Variants in EVL observed in about 807,000 individuals in gnomAD.
The protein encoded by EVL is Enah/Vasp-like, also known as ena/VASP-like protein.
EVL carries 21 observed loss-of-function variants against 59.6 expected under a neutral mutation model. The ratio of observed to expected loss-of-function variants is 0.35; its 90% confidence interval spans 0.25 to 0.51. The LOEUF (loss-of-function observed/expected upper bound fraction) is 0.51. Among genes scored for constraint, EVL ranks in the 20% least tolerant of loss-of-function variants. The probability of loss-of-function intolerance (pLI) is 0.97; values close to 1 mark genes in which losing one functional copy is unlikely to be tolerated. For synonymous variants in EVL, 198 were observed against 203.5 expected, an observed-to-expected ratio of 0.97 and a Z score of 0.23; for missense variants, 462 against 546.6, an observed-to-expected ratio of 0.85 and a Z score of 1.54.
At chr14:100,028,513 TA>T (rs1566974848) in intron 1 of EVL, among the ~76,000 whole-genome samples, 1 of 152,122 alleles carries the variant, frequency 6.6e-6, no homozygotes, top group Non-Finnish European at 1.5e-5. Context: ...CAGATATACT[TA>T]AAAATAACAA....
At chr14:100,129,814 A>G in intron 7 of EVL, 130 bp downstream of exon 7, 1 of 1,338,808 alleles carries the variant, frequency 7.5e-7, no homozygotes, top group South Asian at 1.6e-5. Flanking sequence ...AGCAGGGGAA[A>G]CTGTTACTTA....
intron 3 of EVL, among the ~76,000 whole-genome samples, chr14:100,098,074 G>C (rs1885942916): frequency 6.6e-6 from 1 of 152,212 alleles, no homozygotes; most frequent in East Asian, 1.9e-4. Context: ...AAACCGTGTA[G>C]GCAAAATAGA....
chr14:99,986,290 CAAAAAAA>C (rs3072366), intron 1 of EVL, among the ~76,000 whole-genome samples: 3 of 78,482 alleles, frequency 3.8e-5, no homozygotes, highest in South Asian at 4.6e-4. Context: ...GACTCTGTCT[CAAAAAAA>C]AAAAAAAAAA....
chr14:100,044,511 T>C (rs530256601), intron 1 of EVL, among the ~76,000 whole-genome samples: 85 of 152,328 alleles, frequency 5.6e-4, no homozygotes, highest in Non-Finnish European at 1.5e-4. Context: ...ACACTTTCAG[T>C]CTGCCGGGCA....
At chr14:100,004,228 C>G (rs943489412) in intron 1 of EVL, among the ~76,000 whole-genome samples, 2 of 152,114 alleles carry the variant, frequency 1.3e-5, no homozygotes, top group African/African-American at 4.8e-5. Flanking sequence ...AACCAACCAA[C>G]AAACAAATGT....
intron 2 of EVL, among the ~76,000 whole-genome samples, chr14:100,094,304 A>G (rs922929979): frequency 6.6e-6 from 1 of 152,026 alleles, no homozygotes; most frequent in African/African-American, 2.4e-5. Flanking sequence ...TGCTGGCCAT[A>G]TTGTCCATAT....
At chr14:100,061,978 A>G (rs2061842895), upstream of EVL, among the ~76,000 whole-genome samples, 1 of 151,894 alleles carries the variant, frequency 6.6e-6, no homozygotes, top group African/African-American at 2.4e-5. Flanking sequence ...TCCATGTGCA[A>G]GTGGACCTGG....
chr14:100,005,912 G>A (rs907428356), intron 1 of EVL, among the ~76,000 whole-genome samples: 11 of 151,740 alleles, frequency 7.2e-5, no homozygotes, highest in Admixed American at 6.6e-5. Context: ...CACTCTTTTG[G>A]TTTGGCATGG....
chr14:100,057,526 T>A (rs1188090346), intron 1 of EVL, among the ~76,000 whole-genome samples: 2 of 152,212 alleles, frequency 1.3e-5, no homozygotes, highest in African/African-American at 4.8e-5. Flanking sequence ...AGTTTGTTGT[T>A]CTTCATGTCT....
chr14:100,110,795 C>G (rs1886923391), intron 3 of EVL, among the ~76,000 whole-genome samples: 1 of 152,108 alleles, frequency 6.6e-6, no homozygotes, highest in South Asian at 2.1e-4. Flanking sequence ...CCTCCTTCCA[C>G]CAGTCCCAGG....
At chr14:100,006,671 T>G (rs2060984105) in intron 1 of EVL, among the ~76,000 whole-genome samples, 2 of 152,130 alleles carry the variant, frequency 1.3e-5, no homozygotes, top group Admixed American at 6.5e-5. Flanking sequence ...AAGACTGCTC[T>G]GTGCCATCCA....
chr14:100,058,061 G>C (rs1000173102), intron 1 of EVL, among the ~76,000 whole-genome samples: 1 of 152,176 alleles, frequency 6.6e-6, no homozygotes, highest in Non-Finnish European at 1.5e-5. Flanking sequence ...CAATGAGAAA[G>C]AAAGAGAAGT....
intron 2 of EVL, among the ~76,000 whole-genome samples, chr14:100,092,719 G>A (rs554346991): frequency 2.0e-5 from 3 of 152,176 alleles, no homozygotes; most frequent in Non-Finnish European, 2.9e-5. Flanking sequence ...TGGGTGACAG[G>A]AGCGAAACTC....
At chr14:100,100,301 T>C (rs1886126062) in intron 3 of EVL, among the ~76,000 whole-genome samples, 1 of 152,044 alleles carries the variant, frequency 6.6e-6, no homozygotes, top group Non-Finnish European at 1.5e-5. Flanking sequence ...ATTTGAAGCT[T>C]TCATGAGGAG....
At chr14:100,022,278 GTT>G (rs60834825) in intron 1 of EVL, among the ~76,000 whole-genome samples, 19 of 129,100 alleles carry the variant, frequency 1.5e-4, no homozygotes, top group Admixed American at 1.6e-4. Context: ...TTCTTGGTTT[GTT>G]TTTTTTTTTT....
chr14:100,126,921 A>G, intron 5 of EVL, 150 bp downstream of exon 5: 1 of 694,682 alleles, frequency 1.4e-6, no homozygotes, highest in Non-Finnish European at 2.4e-6. Context: ...TCAGATGGTG[A>G]GGGTAGCAAG....
chr14:100,118,444 A>G (rs562128339), intron 3 of EVL, among the ~76,000 whole-genome samples: 42 of 152,334 alleles, frequency 2.8e-4, no homozygotes, highest in African/African-American at 9.9e-4. Flanking sequence ...GACCATGTAT[A>G]AGCTCATCTC....
At chr14:100,088,322 G>C (rs1301273563) in intron 2 of EVL, among the ~76,000 whole-genome samples, 2 of 152,118 alleles carry the variant, frequency 1.3e-5, no homozygotes, top group Admixed American at 1.3e-4. Flanking sequence ...TTTTTGTAGA[G>C]GACTCTTGAC....
intron 1 of EVL, among the ~76,000 whole-genome samples, chr14:99,981,093 G>T (rs542912839): frequency 6.6e-6 from 1 of 151,904 alleles, no homozygotes; most frequent in Admixed American, 6.6e-5. Context: ...AAAAGTGTAG[G>T]CATCTGCTTT....
Sources: allele counts gnomAD v4.1 joint callset (sites outside exome capture counted in the v4.1 genomes callset), GRCh38; gene constraint gnomAD v4.1.1; transcripts MANE v1.5; gene names NCBI Gene and HGNC (gene_info 2026-07-23, HGNC 2026-07-21).